The following PUDP variants were observed in gnomAD, a reference collection of about 807,000 sequenced individuals.
PUDP encodes the protein pseudouridine-5'-phosphatase.
Under a neutral mutation model 9.4 loss-of-function variants are expected in PUDP, and 8 were observed. That is an observed-to-expected ratio of 0.85 (90% CI 0.50 to 1.53). PUDP has a LOEUF of 1.53. Ranked by LOEUF, PUDP falls within the 40% of genes most tolerant of loss-of-function variation. PUDP has a pLI of 0.00. For synonymous variants in PUDP, 99 were observed against 80.7 expected (o/e 1.23, Z -1.22); for missense variants, 188 against 189.7 (o/e 0.99, Z 0.05).
chrX:7,040,465 A>G (rs1367137560), intron 1 of PUDP, among the ~76,000 whole-genome samples: 1 of 111,152 alleles, frequency 9.0e-6, no homozygotes, highest in African/African-American at 3.3e-5. Context: ...GGGACAAAAA[A>G]CAGTCACAGT....
chrX:6,745,386 G>C (rs1924988309), intron 3 of PUDP, among the ~76,000 whole-genome samples: 1 of 112,054 alleles, frequency 8.9e-6, no homozygotes, highest in South Asian at 3.7e-4. Flanking sequence ...TTTCTTTGAG[G>C]TAAATTGTTT....
At chrX:6,838,662 C>T (rs1177479465) in intron 3 of PUDP, among the ~76,000 whole-genome samples, 1 of 112,123 alleles carries the variant, frequency 8.9e-6, no homozygotes, top group African/African-American at 3.2e-5. Context: ...GGAGGTCCAG[C>T]TGGATGAATA....
chrX:7,054,504 TCA>T (rs1930187429), intron 3 of PUDP, among the ~76,000 whole-genome samples: 1 of 111,869 alleles, frequency 8.9e-6, no homozygotes, highest in Non-Finnish European at 1.9e-5. Context: ...AGTAAAACCC[TCA>T]GTGTTCAAAT....
intron 3 of PUDP, among the ~76,000 whole-genome samples, chrX:6,873,412 G>A (rs1927205134): frequency 8.9e-6 from 1 of 111,745 alleles, no homozygotes; most frequent in South Asian, 3.8e-4. Context: ...TTCAATAAAT[G>A]GTAACATGCT....
At chrX:7,085,565 A>T (rs1363743544) in intron 2 of PUDP, 3 of 112,428 alleles carry the variant, frequency 2.7e-5, no homozygotes, top group Admixed American at 1.9e-4. Context: ...TTAAATCATA[A>T]GGGGTAAGCT....
chrX:7,130,070 T>C (rs1283429798), intron 1 of PUDP, among the ~76,000 whole-genome samples: 1 of 111,803 alleles, frequency 8.9e-6, no homozygotes, highest in Admixed American at 9.5e-5. Context: ...TTGGAAATCA[T>C]GGTGCATCCC....
intron 3 of PUDP, among the ~76,000 whole-genome samples, chrX:6,821,921 G>A (rs1229939086): frequency 9.0e-6 from 1 of 111,709 alleles, no homozygotes; most frequent in African/African-American, 3.3e-5. Context: ...AGGTTAAGGT[G>A]GGGCAGTCAG....
At chrX:6,771,861 T>G (rs1459402742) in intron 3 of PUDP, among the ~76,000 whole-genome samples, 2 of 112,351 alleles carry the variant, frequency 1.8e-5, no homozygotes, top group Non-Finnish European at 3.8e-5. Context: ...AATGAATGGC[T>G]GTAGCTGTGT....
intron 3 of PUDP, among the ~76,000 whole-genome samples, chrX:6,831,168 G>C (rs57254510): frequency 0.1 from 11,429 of 111,377 alleles, 590 homozygotes; most frequent in African/African-American, 0.2. Context: ...CTGGGTGGTT[G>C]CAGCCGATCT....
At chrX:7,070,552 A>G (rs1468389692) in intron 3 of PUDP, among the ~76,000 whole-genome samples, 1 of 110,993 alleles carries the variant, frequency 9.0e-6, no homozygotes, top group Non-Finnish European at 1.9e-5. Context: ...CCAGAGGTCC[A>G]GCAAAGCTCA....
At chrX:7,114,464 C>T (rs745712827) in intron 1 of PUDP, among the ~76,000 whole-genome samples, 43 of 111,732 alleles carry the variant, frequency 3.8e-4, no homozygotes, top group Non-Finnish European at 6.0e-4. Flanking sequence ...AATCCATGAA[C>T]GAAAGGGTCC....
chrX:7,072,768 C>T (rs1261910780), intron 3 of PUDP, among the ~76,000 whole-genome samples: 1 of 99,898 alleles, frequency 1.0e-5, no homozygotes, highest in South Asian at 5.0e-4. Flanking sequence ...GAGCCGAGAT[C>T]GTGCCACTGC....
chrX:6,743,861 C>T (rs73627088), intron 3 of PUDP, among the ~76,000 whole-genome samples: 35,119 of 111,220 alleles, frequency 0.32, 5,550 homozygotes, highest in African/African-American at 0.6. Flanking sequence ...TAAAATGATC[C>T]AGAATCTTGA....
rs1928687197 is a variant in PUDP at position 6,960,203 on chromosome X, T to C, written c.*247+16930A>G. ...GAAATTCAGGAGGCCCTGGGCAGAATTCTGTGGTTTGAATGTATCCCCAAA... is the reference window on the plus strand; with the variant it reads ...GAAATTCAGGAGGCCCTGGGCAGAACTCTGTGGTTTGAATGTATCCCCAAA... On this transcript the variant is annotated intron_variant and NMD_transcript_variant, in intron 3 of 3. Transcript: ENST00000655425. 3.6e-5 allele frequency among the ~76,000 whole-genome samples: 4 copies of C among 112,510 alleles called. No homozygotes were observed. The South Asian group carries it at 1.5e-3, about 41-fold the overall frequency.
At chrX:6,761,569 TA>T (rs1775269840) in intron 3 of PUDP, among the ~76,000 whole-genome samples, 1 of 112,112 alleles carries the variant, frequency 8.9e-6, no homozygotes, top group South Asian at 3.7e-4. Context: ...TTCTAGTCTT[TA>T]AAACAGTGCC....
intron 1 of PUDP, among the ~76,000 whole-genome samples, chrX:7,031,488 A>T (rs1433795392): frequency 8.9e-6 from 1 of 111,845 alleles, no homozygotes; most frequent in Non-Finnish European, 1.9e-5. Flanking sequence ...AACTCGCTCC[A>T]CTGCTCCATC....
At chrX:7,050,506 T>C in intron 3 of PUDP, 34 bp from the exon 4 acceptor site, 1 of 1,150,644 alleles carries the variant, frequency 8.7e-7, no homozygotes, top group Non-Finnish European at 1.2e-6. Context: ...AGATGGCCTT[T>C]TATGGAACCA....
At chrX:6,762,218 C>A (rs1044096807) in intron 3 of PUDP, among the ~76,000 whole-genome samples, 1 of 111,557 alleles carries the variant, frequency 9.0e-6, no homozygotes, top group East Asian at 2.8e-4. Flanking sequence ...AGCCATACTT[C>A]CTGCGCCTCT....
chrX:6,789,289 CTAAATAAATAAATAAA>C (rs63378260), intron 3 of PUDP, among the ~76,000 whole-genome samples: 3,092 of 95,155 alleles, frequency 0.032, 68 homozygotes, highest in East Asian at 0.17. Flanking sequence ...GACTCTGTCT[CTAAATAAATAAATAAA>C]TAAATAAATA....
Sources: allele counts gnomAD v4.1 joint callset (sites outside exome capture counted in the v4.1 genomes callset), GRCh38; gene constraint gnomAD v4.1.1; transcripts MANE v1.5; gene names NCBI Gene and HGNC (gene_info 2026-07-23, HGNC 2026-07-21).